Variants in PKN2 observed in about 807,000 individuals in gnomAD.
PKN2 encodes serine/threonine-protein kinase N2.
PKN2 carries 38 observed loss-of-function variants against 119.1 expected under a neutral mutation model. The ratio of observed to expected loss-of-function variants is 0.32; its 90% CI spans 0.25 to 0.42. The LOEUF is 0.42. Among genes scored for constraint, PKN2 ranks in the 10% least tolerant of loss-of-function variants. The pLI, the probability that PKN2 is intolerant of heterozygous loss-of-function variation, is 1.00. For synonymous variants in PKN2, 390 were observed against 384.9 expected (o/e 1.01, Z -0.15); for missense variants, 850 against 1,165.1 (o/e 0.73, Z 3.94).
intron 1 of PKN2, among the ~76,000 whole-genome samples, chr1:88,698,874 A>G (rs1490131844): frequency 1.3e-5 from 2 of 152,146 alleles, no homozygotes; most frequent in African/African-American, 4.8e-5. Context: ...TGTTAGTTAC[A>G]TTATTATTTT....
chr1:88,798,844 A>G (rs980987118), intron 8 of PKN2, among the ~76,000 whole-genome samples: 2 of 152,216 alleles, frequency 1.3e-5, no homozygotes, highest in Non-Finnish European at 2.9e-5. Flanking sequence ...ATACATAAAA[A>G]GATAGCTGCG....
At chr1:88,826,881 C>T (rs59761058) in intron 18 of PKN2, among the ~76,000 whole-genome samples, 16,967 of 152,024 alleles carry the variant, frequency 0.11, 1,963 homozygotes, top group African/African-American at 0.3. Flanking sequence ...GCAGAACTTA[C>T]ATAGATATTA....
intron 8 of PKN2, among the ~76,000 whole-genome samples, chr1:88,793,103 A>G (rs1209885498): frequency 6.6e-6 from 1 of 152,200 alleles, no homozygotes; most frequent in African/African-American, 2.4e-5. Context: ...TTATAGTAGT[A>G]CAGTACTACA....
At chr1:88,764,617 C>G (rs1260764551) in intron 3 of PKN2, among the ~76,000 whole-genome samples, 1 of 152,136 alleles carries the variant, frequency 6.6e-6, no homozygotes, top group East Asian at 1.9e-4. Flanking sequence ...TTATCTTCCT[C>G]TGGCCCATAA....
intron 1 of PKN2, among the ~76,000 whole-genome samples, chr1:88,716,481 A>G (rs1557560683): frequency 6.6e-6 from 1 of 152,184 alleles, no homozygotes; most frequent in African/African-American, 2.4e-5. Flanking sequence ...GTGCTCCTGT[A>G]TTGGGTGCAT....
At chr1:88,788,476 G>T (rs181003386) in intron 8 of PKN2, among the ~76,000 whole-genome samples, 24 of 150,458 alleles carry the variant, frequency 1.6e-4, no homozygotes, top group Admixed American at 1.6e-3. Context: ...ATGGAGTTTC[G>T]CTCTTGTTGC....
chr1:88,772,930 G>A (rs949154755), intron 6 of PKN2, among the ~76,000 whole-genome samples: 1 of 152,062 alleles, frequency 6.6e-6, no homozygotes, highest in African/African-American at 2.4e-5. Flanking sequence ...AGAACTGTCT[G>A]TATTTCTCCC....
At chr1:88,803,300 A>G (rs1671403956) in intron 8 of PKN2, among the ~76,000 whole-genome samples, 1 of 152,172 alleles carries the variant, frequency 6.6e-6, no homozygotes. Context: ...ATTAACATCA[A>G]CTAGATATAT....
intron 1 of PKN2, among the ~76,000 whole-genome samples, chr1:88,699,647 G>C (rs769155186): frequency 6.6e-6 from 1 of 152,072 alleles, no homozygotes; most frequent in Non-Finnish European, 1.5e-5. Flanking sequence ...TCATCATTCA[G>C]CTCCCACTTA....
chr1:88,759,617 G>A (rs1669357246), intron 2 of PKN2, among the ~76,000 whole-genome samples: 1 of 152,066 alleles, frequency 6.6e-6, no homozygotes, highest in South Asian at 2.1e-4. Context: ...CTCCCATTCT[G>A]TAGGTTGTCT....
At position 88,688,225 on chromosome 1, in the gene PKN2, A is replaced by G. The variant is rs138020470; in HGVS notation, c.48+3597A>G. ...CTCAGCCTCCCAAGTAGCTGGGATT[A>G]CAGGCACCTGCCACCACACCCGGCT... On this transcript the variant is annotated intron_variant, in intron 1 of 21. Coordinates refer to ENST00000370521, the MANE Select transcript of PKN2 (RefSeq NM_006256.4). Among the ~76,000 whole-genome samples the G allele has an allele frequency of 4.8e-3, 724 of 152,272 alleles. 2 individuals are homozygous for G. Among genetic ancestry groups the G allele is most frequent in the African/African-American group, 0.016 (680 of 41,552 alleles).
chr1:88,783,740 G>A (rs559316514), intron 6 of PKN2, among the ~76,000 whole-genome samples: 102 of 152,166 alleles, frequency 6.7e-4, no homozygotes, highest in Non-Finnish European at 1.1e-3. Context: ...ATATCCAGAG[G>A]ACCTAACTCA....
chr1:88,753,267 T>G (rs552473237), intron 2 of PKN2, among the ~76,000 whole-genome samples: 1 of 152,232 alleles, frequency 6.6e-6, no homozygotes, highest in Non-Finnish European at 1.5e-5. Context: ...TTAAAATCAC[T>G]GAAATCTAAG....
At chr1:88,785,294 A>G (rs1212094419) in intron 7 of PKN2, among the ~76,000 whole-genome samples, 1 of 151,930 alleles carries the variant, frequency 6.6e-6, no homozygotes, top group African/African-American at 2.4e-5. Context: ...ATGCCTGGCT[A>G]ATTTTTTTTT....
At chr1:88,751,926 T>A (rs938935557) in intron 2 of PKN2, among the ~76,000 whole-genome samples, 5 of 152,184 alleles carry the variant, frequency 3.3e-5, no homozygotes, top group African/African-American at 1.2e-4. Context: ...CAGCTGCCAG[T>A]CTCATGGTTG....
intron 10 of PKN2, 121 bp downstream of exon 10, chr1:88,805,042 A>ATTCATTTATTCATTC: frequency 1.8e-6 from 1 of 559,962 alleles, no homozygotes; most frequent in Non-Finnish European, 3.2e-6. Flanking sequence ...TTTATTTCTA[A>ATTCATTTATTCATTC]CTTCTTATTA....
intron 1 of PKN2, among the ~76,000 whole-genome samples, chr1:88,690,780 A>G (rs545179916): frequency 1.3e-5 from 2 of 152,326 alleles, no homozygotes; most frequent in Admixed American, 1.3e-4. Context: ...GAAGATCAAG[A>G]AAGCATGGGA....
At chr1:88,776,567 C>T (rs1219425340) in intron 6 of PKN2, among the ~76,000 whole-genome samples, 2 of 151,774 alleles carry the variant, frequency 1.3e-5, no homozygotes, top group Non-Finnish European at 2.9e-5. Flanking sequence ...TGGTGAAACC[C>T]CATCTATACT....
intron 8 of PKN2, among the ~76,000 whole-genome samples, chr1:88,803,121 TATTA>T (rs1192646931): frequency 2.2e-4 from 33 of 152,182 alleles, no homozygotes; most frequent in African/African-American, 6.8e-4. Context: ...TTCTCTCCCA[TATTA>T]ATTATGAGTC....
Sources: gnomAD v4.1 joint callset for allele counts (sites outside exome capture counted in the v4.1 genomes callset) on GRCh38, gnomAD v4.1.1 for gene constraint, MANE v1.5 for transcripts, NCBI Gene and HGNC (gene_info 2026-07-23, HGNC 2026-07-21) for gene names.